Variants in UGT2A3 observed in about 807,000 individuals in gnomAD.
The protein encoded by UGT2A3 is UDP glucuronosyltransferase family 2 member A3, also known as UDP-glucuronosyltransferase 2A3.
Under a neutral mutation model 44.1 loss-of-function variants are expected in UGT2A3, and 55 were observed. That is an observed-to-expected ratio of 1.25 (90% CI 1.00 to 1.56). The LOEUF (loss-of-function observed/expected upper bound fraction) is 1.56. Among genes scored for constraint, UGT2A3 ranks in the 40% most tolerant of loss-of-function variants. The pLI, the probability that UGT2A3 is intolerant of heterozygous loss-of-function variation, is 0.00. For synonymous variants in UGT2A3, 243 were observed against 215.1 expected, an observed-to-expected ratio of 1.13 and a Z score of -1.13; for missense variants, 733 against 621.6, an observed-to-expected ratio of 1.18 and a Z score of -1.91.
chr4:68,930,918 C>A (rs147670861), intron 4 of UGT2A3, among the ~76,000 whole-genome samples, 153 bp from the exon 5 acceptor site: 2 of 152,122 alleles, frequency 1.3e-5, no homozygotes, highest in Non-Finnish European at 2.9e-5. Context: ...TACTAAAGAT[C>A]ATTTCTATCT....
At chr4:68,945,152 T>C (rs947698837) in intron 2 of UGT2A3, among the ~76,000 whole-genome samples, 154 bp downstream of exon 2, 1 of 151,642 alleles carries the variant, frequency 6.6e-6, no homozygotes, top group African/African-American at 2.4e-5. Context: ...AGACATATAA[T>C]CACCTATAAG....
intron 1 of UGT2A3, among the ~76,000 whole-genome samples, chr4:68,948,562 C>T (rs1056053076): frequency 2.6e-5 from 4 of 151,066 alleles, no homozygotes; most frequent in Non-Finnish European, 5.9e-5. Flanking sequence ...GTTCTCCCAC[C>T]TGAGCCTCCC....
chr4:68,929,664 C>T lies in UGT2A3; in HGVS notation c.*149G>A. 1.4e-6 allele frequency: 1 copy of T among 719,046 alleles called. No individual in the cohort carries two copies. Among genetic ancestry groups the T allele is most frequent in the Non-Finnish European group, 2.3e-6 (1 of 443,380 alleles). 44.5% of individuals were successfully genotyped at this position (719,046 alleles called of 1,614,324 possible). A position where few individuals can be genotyped will look rare whatever the true frequency, so the allele number is the denominator to read the frequency against. ...ATACAACGAAAGAATGAGATATACT[C>T]ACAACCTCATGATCGTGGAATTCTA... On this transcript the variant is annotated 3_prime_UTR_variant, in exon 6 of 6. Transcript: ENST00000251566.
chr4:68,947,113 A>AC (rs1718410012), intron 1 of UGT2A3, among the ~76,000 whole-genome samples: 1 of 151,752 alleles, frequency 6.6e-6, no homozygotes, highest in Non-Finnish European at 1.5e-5. Flanking sequence ...TTCATGAAAG[A>AC]TTTCTCTGTA....
At position 68,931,151 on chromosome 4, in the gene UGT2A3, C is replaced by A; in HGVS notation, c.1084+4G>T. 1 of 1,609,370 alleles carries A rather than the reference C, an allele frequency of 6.2e-7. No individual in the cohort carries two copies. Among genetic ancestry groups the A allele is most frequent in the Non-Finnish European group, 8.5e-7 (1 of 1,177,218 alleles). On this transcript the variant is annotated splice_donor_region_variant and intron_variant, in intron 4 of 5. Transcript: ENST00000251566. ...TTCATATTTTTACTTTCTCATAGAC[C>A]TACCAAGAAGATCATTCTGGGGTAT...
At chr4:68,948,446 T>TC (rs911139480) in intron 1 of UGT2A3, among the ~76,000 whole-genome samples, 3 of 143,966 alleles carry the variant, frequency 2.1e-5, no homozygotes, top group African/African-American at 7.7e-5. Flanking sequence ...TTTCTTTTTT[T>TC]TTTTTTTTTT....
chr4:68,945,188 A>G, intron 2 of UGT2A3, 118 bp downstream of exon 2: 2 of 1,166,912 alleles, frequency 1.7e-6, no homozygotes, highest in Non-Finnish European at 1.2e-6. Context: ...GAAAATAAAT[A>G]TGGAGCTGCA....
chr4:68,948,318 C>T (rs1718453942), intron 1 of UGT2A3, among the ~76,000 whole-genome samples: 1 of 151,736 alleles, frequency 6.6e-6, no homozygotes, highest in African/African-American at 2.4e-5. Context: ...GCATCTTCCT[C>T]TCCTCTCTGA....
intron 2 of UGT2A3, among the ~76,000 whole-genome samples, chr4:68,936,889 A>G (rs1406227397): frequency 1.0e-4 from 2 of 19,076 alleles, no homozygotes; most frequent in East Asian, 5.8e-4. Context: ...AATGGAAAGC[A>G]AAAAAAAAAA....
chr4:68,932,844 C>G, intron 2 of UGT2A3, 85 bp from the exon 3 acceptor site: 1 of 1,344,426 alleles, frequency 7.4e-7, no homozygotes, highest in Non-Finnish European at 1.0e-6. Context: ...AAAATAAATA[C>G]TTGAGAAATT....
Position 68,929,622 on chromosome 4 carries a change from T to G in UGT2A3, c.*191A>C. 1 of 512,788 alleles carries G rather than the reference T, an allele frequency of 2.0e-6. No individual in the cohort carries two copies. The allele number at this position is 512,788 out of a possible 1,614,324, so 31.8% of individuals were successfully genotyped here. A position where few individuals can be genotyped will look rare whatever the true frequency, so the allele number is the denominator to read the frequency against. ...TGTGTCACAAAGTGAGAGAAGAGAG[T>G]AAAGACACCTAGGAAAATACAACGA... On this transcript the variant is annotated 3_prime_UTR_variant, in exon 6 of 6. Coordinates refer to ENST00000251566, the MANE Select transcript of UGT2A3 (RefSeq NM_024743.4).
In UGT2A3 at chr4:68,945,418, G is replaced by A; in HGVS notation, c.752C>T (p.Ala251Val). 1 of 1,610,998 alleles carries A rather than the reference G, an allele frequency of 6.2e-7. No homozygotes were observed. ...ATATGTTCGTATTAGCCATATCTCA[G>A]CTTTTCCCACAGTCTCACATAATGT... Reference protein sequence around the residue: ...PTTLCETVGKAEIWLIRTYWD... With the variant: ...PTTLCETVGKVEIWLIRTYWD... Residue 251 changes from alanine to valine, a missense_variant, in exon 2 of 6, where the codon GCT (alanine) becomes GTT (valine). Coordinates refer to ENST00000251566, the MANE Select transcript of UGT2A3 (RefSeq NM_024743.4).
chr4:68,947,552 T>C (rs768657622), intron 1 of UGT2A3, among the ~76,000 whole-genome samples: 3 of 151,804 alleles, frequency 2.0e-5, no homozygotes, highest in Non-Finnish European at 2.9e-5. Context: ...GTTAATATGT[T>C]GACTTCCTCT....
chr4:68,942,427 T>A (rs1267350152), intron 2 of UGT2A3, among the ~76,000 whole-genome samples: 2 of 148,674 alleles, frequency 1.3e-5, no homozygotes, highest in Non-Finnish European at 3.0e-5. Flanking sequence ...TATATATATA[T>A]CCATTCCATT....
At chr4:68,931,798 T>A (rs1267433268) in intron 3 of UGT2A3, among the ~76,000 whole-genome samples, 1 of 151,992 alleles carries the variant, frequency 6.6e-6, no homozygotes, top group Admixed American at 6.6e-5. Context: ...AATGATAAAT[T>A]TTCTTTGAGA....
intron 2 of UGT2A3, among the ~76,000 whole-genome samples, chr4:68,941,688 G>T (rs917494962): frequency 2.0e-5 from 3 of 151,804 alleles, no homozygotes; most frequent in African/African-American, 7.3e-5. Flanking sequence ...GCAAACAACA[G>T]GGTGAAGAGA....
intron 1 of UGT2A3, among the ~76,000 whole-genome samples, chr4:68,948,834 G>A (rs1472535799): frequency 6.6e-6 from 1 of 151,802 alleles, no homozygotes. Flanking sequence ...AACTGAGGCT[G>A]TCTAATTTGT....
intron 2 of UGT2A3, among the ~76,000 whole-genome samples, chr4:68,944,607 T>C (rs929572365): frequency 6.6e-6 from 1 of 151,850 alleles, no homozygotes; most frequent in African/African-American, 2.4e-5. Context: ...CAAAATTATT[T>C]CTATGAGCTC....
intron 5 of UGT2A3, among the ~76,000 whole-genome samples, 187 bp from the exon 6 acceptor site, chr4:68,930,279 T>G (rs964352204): frequency 6.6e-6 from 1 of 152,000 alleles, no homozygotes; most frequent in African/African-American, 2.4e-5. Flanking sequence ...ACTGAAAGAG[T>G]ATATTCTTAA....
Sources: gnomAD v4.1 joint callset for allele counts (sites outside exome capture counted in the v4.1 genomes callset) on GRCh38, gnomAD v4.1.1 for gene constraint, MANE v1.5 for transcripts, NCBI Gene and HGNC (gene_info 2026-07-23, HGNC 2026-07-21) for gene names.